NPAS3: variants seen among roughly 807,000 people sequenced by gnomAD.
NPAS3 encodes the protein neuronal PAS domain protein 3, also known as neuronal PAS domain-containing protein 3.
In NPAS3, 14 loss-of-function variants were observed where a neutral mutation model predicts 73.1. That is an observed-to-expected ratio of 0.19 (90% CI 0.13 to 0.30). NPAS3 has a LOEUF of 0.30. Among genes scored for constraint, NPAS3 ranks in the 10% least tolerant of loss-of-function variants. The pLI is 1.00. For synonymous variants in NPAS3, 620 were observed against 541.5 expected, an observed-to-expected ratio of 1.14 and a Z score of -2.01; for missense variants, 1,096 against 1,250.0, an observed-to-expected ratio of 0.88 and a Z score of 1.86.
chr14:33,317,050 G>A (rs1355640276), intron 3 of NPAS3, among the ~76,000 whole-genome samples: 1 of 152,040 alleles, frequency 6.6e-6, no homozygotes, highest in African/African-American at 2.4e-5. Flanking sequence ...AGGAGTGAGA[G>A]GGAAGAAAAG....
chr14:33,428,196 G>C (rs2048633459), intron 4 of NPAS3, among the ~76,000 whole-genome samples: 1 of 151,904 alleles, frequency 6.6e-6, no homozygotes, highest in African/African-American at 2.4e-5. Flanking sequence ...GGTAGACCAG[G>C]GTTCAATTTT....
chr14:33,096,696 A>T lies in NPAS3; in HGVS notation c.140+40702A>T, dbSNP rs571929887. ...CATGAGCTTATATCCGTAGTCTGGC[A>T]ATGTTAAAATAAGCAGTTTCTGAGA... On this transcript the variant is annotated intron_variant, in intron 2 of 11. Coordinates refer to ENST00000356141, the Ensembl canonical transcript of NPAS3. Among the ~76,000 whole-genome samples the T allele has an allele frequency of 1.8e-3, 272 of 152,318 alleles. 1 individual carries two copies. Among genetic ancestry groups the T allele is most frequent in the African/African-American group, 6.1e-3 (255 of 41,564 alleles).
intron 5 of NPAS3, among the ~76,000 whole-genome samples, chr14:33,592,722 A>G (rs7142435): frequency 0.099 from 15,035 of 152,260 alleles, 1,174 homozygotes; most frequent in African/African-American, 0.21. Context: ...AATGCGAAGC[A>G]AAGGAATATT....
chr14:33,772,918 T>C (rs1450475371), intron 7 of NPAS3, among the ~76,000 whole-genome samples: 1 of 152,074 alleles, frequency 6.6e-6, no homozygotes, highest in African/African-American at 2.4e-5. Context: ...TAATCCTCCT[T>C]ATTGGTGCTT....
chr14:33,237,906 T>C (rs560025412), intron 3 of NPAS3, among the ~76,000 whole-genome samples: 5 of 151,778 alleles, frequency 3.3e-5, no homozygotes, highest in South Asian at 2.1e-4. Context: ...ATTTACAATA[T>C]ATTTATATAT....
intron 7 of NPAS3, among the ~76,000 whole-genome samples, chr14:33,743,445 G>C (rs1403927645): frequency 6.6e-6 from 1 of 152,170 alleles, no homozygotes; most frequent in Non-Finnish European, 1.5e-5. Context: ...AAAATATTCA[G>C]TAAACCATGA....
At chr14:33,774,238 T>G in intron 7 of NPAS3, 99 bp from the exon 8 acceptor site, 4 of 851,848 alleles carry the variant, frequency 4.7e-6, no homozygotes, top group Non-Finnish European at 7.5e-6. Flanking sequence ...CAAGCTAATG[T>G]TGGTTGTTCC....
chr14:33,314,352 C>T (rs2043124117), intron 3 of NPAS3, among the ~76,000 whole-genome samples: 2 of 151,970 alleles, frequency 1.3e-5, no homozygotes, highest in Non-Finnish European at 2.9e-5. Context: ...CACTAGCTTT[C>T]ATAGGAGCTA....
chr14:33,031,648 C>T (rs2039998012), intron 1 of NPAS3, among the ~76,000 whole-genome samples: 1 of 152,172 alleles, frequency 6.6e-6, no homozygotes, highest in Admixed American at 6.5e-5. Flanking sequence ...GTGCACCACA[C>T]CTGGCTAATT....
intron 3 of NPAS3, among the ~76,000 whole-genome samples, chr14:33,292,703 TA>T (rs763444884): frequency 2.0e-5 from 3 of 152,136 alleles, no homozygotes; most frequent in Non-Finnish European, 4.4e-5. Context: ...AGAACTTCTT[TA>T]GTTGTTGGAG....
chr14:33,466,286 C>T (rs1005883992), intron 4 of NPAS3, among the ~76,000 whole-genome samples: 1 of 152,140 alleles, frequency 6.6e-6, no homozygotes, highest in African/African-American at 2.4e-5. Flanking sequence ...CCCTGTCTTT[C>T]CTATCCTAGC....
chr14:32,979,281 CTTA>C (rs1357814206), intron 1 of NPAS3, among the ~76,000 whole-genome samples: 1 of 152,116 alleles, frequency 6.6e-6, no homozygotes, highest in Non-Finnish European at 1.5e-5. Context: ...CTCTCTGGGT[CTTA>C]TTATATAAAA....
intron 3 of NPAS3, among the ~76,000 whole-genome samples, chr14:33,363,732 A>C (rs1321116029): frequency 1.3e-5 from 2 of 152,208 alleles, no homozygotes; most frequent in Admixed American, 6.5e-5. Context: ...AGAAATTTTC[A>C]ACATCAAATA....
intron 7 of NPAS3, among the ~76,000 whole-genome samples, chr14:33,754,156 TACAG>T (rs368259828): frequency 5.3e-5 from 8 of 152,262 alleles, no homozygotes; most frequent in African/African-American, 1.9e-4. Flanking sequence ...GAAGCTGCAT[TACAG>T]ACAGACAGTG....
chr14:33,603,046 T>G (rs1213195056), intron 5 of NPAS3, among the ~76,000 whole-genome samples: 1 of 152,202 alleles, frequency 6.6e-6, no homozygotes, highest in Admixed American at 6.5e-5. Flanking sequence ...AATGAAGAGA[T>G]ATGTTAATTA....
At chr14:33,521,812 T>C (rs755358647) in intron 4 of NPAS3, among the ~76,000 whole-genome samples, 2 of 152,154 alleles carry the variant, frequency 1.3e-5, no homozygotes, top group Non-Finnish European at 2.9e-5. Flanking sequence ...GCCTTGCATA[T>C]TGTTCCCCAC....
intron 2 of NPAS3, among the ~76,000 whole-genome samples, chr14:33,210,951 G>A (rs1214888088): frequency 6.6e-6 from 1 of 152,230 alleles, no homozygotes; most frequent in East Asian, 1.9e-4. Flanking sequence ...CAAGGAATAG[G>A]AATTATATTA....
chr14:33,788,559 T>A (rs2138594770), intron 9 of NPAS3, among the ~76,000 whole-genome samples: 1 of 152,350 alleles, frequency 6.6e-6, no homozygotes, highest in African/African-American at 2.4e-5. Context: ...GCTTCCTTCT[T>A]CTTATGACAC....
At chr14:33,466,609 G>A (rs1282312214) in intron 4 of NPAS3, among the ~76,000 whole-genome samples, 1 of 152,194 alleles carries the variant, frequency 6.6e-6, no homozygotes, top group Non-Finnish European at 1.5e-5. Context: ...TTGGCTCACA[G>A]TGCTACAGGC....
Sources: allele counts gnomAD v4.1 joint callset (sites outside exome capture counted in the v4.1 genomes callset), GRCh38; gene constraint gnomAD v4.1.1; transcripts MANE v1.5; gene names NCBI Gene and HGNC (gene_info 2026-07-23, HGNC 2026-07-21).